The following CSGALNACT1 variants were observed in gnomAD, a reference collection of about 807,000 sequenced individuals.
CSGALNACT1 encodes the protein chondroitin sulfate N-acetylgalactosaminyltransferase 1.
A neutral mutation model predicts 51.0 loss-of-function variants in CSGALNACT1; 52 were observed. That is an observed-to-expected ratio of 1.02 (90% CI 0.82 to 1.29). CSGALNACT1 has a LOEUF of 1.29. Among genes scored for constraint, CSGALNACT1 ranks in the 50% most tolerant of loss-of-function variants. The probability of loss-of-function intolerance (pLI) is 0.00; values close to 1 mark genes in which losing one functional copy is unlikely to be tolerated. For missense variants in CSGALNACT1, 935 were observed against 679.2 expected (o/e 1.38, Z -4.19); for synonymous variants, 341 against 254.4 (o/e 1.34, Z -3.24).
At chr8:19,554,633 AT>A (rs1312345935) in intron 3 of CSGALNACT1, among the ~76,000 whole-genome samples, 1 of 111,532 alleles carries the variant, frequency 9.0e-6, no homozygotes, top group East Asian at 2.4e-4. Flanking sequence ...AGGCAGTTAT[AT>A]AGGCTGGATG....
At chr8:19,717,605 G>A (rs1754479797) in intron 1 of CSGALNACT1, among the ~76,000 whole-genome samples, 1 of 152,136 alleles carries the variant, frequency 6.6e-6, no homozygotes, top group Non-Finnish European at 1.5e-5. Context: ...ATGTGGTTTA[G>A]ACATTAAGAT....
At chr8:19,654,207 TTTC>T (rs1180498208) in intron 1 of CSGALNACT1, among the ~76,000 whole-genome samples, 1 of 152,230 alleles carries the variant, frequency 6.6e-6, no homozygotes, top group Non-Finnish European at 1.5e-5. Context: ...TTTCCAGCTG[TTTC>T]TCCAAATTCA....
At chr8:19,726,226 T>C (rs2063393036) in intron 1 of CSGALNACT1, among the ~76,000 whole-genome samples, 1 of 152,212 alleles carries the variant, frequency 6.6e-6, no homozygotes, top group African/African-American at 2.4e-5. Flanking sequence ...AAGTTAACAT[T>C]AAATTTTAAA....
chr8:19,405,984 T>C lies in CSGALNACT1; in HGVS notation c.1395A>G (p.Val465=), dbSNP rs779606427. ...GGAAGAGTCCTCGCACAGGCGTCCG[T>C]ACCACTATGAGGTTGCTGTGGAGAT... The change falls in exon 10 of 10, where the codon GTA becomes GTG. Residue 465 remains valine, a synonymous_variant. Transcript: ENST00000454498. 33 of 1,614,088 alleles carry C rather than the reference T, an allele frequency of 2.0e-5. No homozygotes were observed. Among genetic ancestry groups the C allele is most frequent in the South Asian group, 1.5e-4 (14 of 91,092 alleles).
chr8:19,497,985 T>C (rs1236027379), intron 4 of CSGALNACT1, among the ~76,000 whole-genome samples: 3 of 152,234 alleles, frequency 2.0e-5, no homozygotes, highest in Non-Finnish European at 4.4e-5. Context: ...ATGTTCATCC[T>C]ACATATGTTG....
At chr8:19,561,301 A>T (rs537637397) in intron 3 of CSGALNACT1, among the ~76,000 whole-genome samples, 1 of 152,180 alleles carries the variant, frequency 6.6e-6, no homozygotes, top group South Asian at 2.1e-4. Context: ...ATTTTTGTAC[A>T]TATTTTTGGT....
chr8:19,733,701 A>C (rs930619347), intron 1 of CSGALNACT1, among the ~76,000 whole-genome samples: 1 of 152,196 alleles, frequency 6.6e-6, no homozygotes, highest in Non-Finnish European at 1.5e-5. Flanking sequence ...CTTTGCCTGA[A>C]AGACGTCTAC....
chr8:19,544,226 C>G (rs2085954488), intron 3 of CSGALNACT1, among the ~76,000 whole-genome samples: 1 of 152,116 alleles, frequency 6.6e-6, no homozygotes, highest in South Asian at 2.1e-4. Flanking sequence ...CAAAATAAAA[C>G]TGAGCAGACA....
intron 1 of CSGALNACT1, among the ~76,000 whole-genome samples, chr8:19,631,863 G>A (rs117485433): frequency 6.6e-6 from 1 of 152,196 alleles, no homozygotes; most frequent in Non-Finnish European, 1.5e-5. Context: ...ACACTAAAAG[G>A]TGTGGGCCAG....
At chr8:19,625,003 TCATCCTG>T (rs2054271750) in intron 1 of CSGALNACT1, among the ~76,000 whole-genome samples, 1 of 152,198 alleles carries the variant, frequency 6.6e-6, no homozygotes, top group Non-Finnish European at 1.5e-5. Flanking sequence ...TGCTTCACTG[TCATCCTG>T]CTATCACCCA....
intron 3 of CSGALNACT1, among the ~76,000 whole-genome samples, chr8:19,586,286 G>C (rs1045685681): frequency 6.6e-6 from 1 of 151,938 alleles, no homozygotes; most frequent in African/African-American, 2.4e-5. Context: ...TTGAACCTGT[G>C]ATGGGGAGGC....
At chr8:19,718,061 T>C (rs2062913747) in intron 1 of CSGALNACT1, among the ~76,000 whole-genome samples, 3 of 151,966 alleles carry the variant, frequency 2.0e-5, no homozygotes, top group Admixed American at 1.3e-4. Flanking sequence ...GGGCCCAGAG[T>C]CCCTTTTTAT....
intron 1 of CSGALNACT1, among the ~76,000 whole-genome samples, chr8:19,746,865 C>T (rs912368136): frequency 6.6e-6 from 1 of 152,218 alleles, no homozygotes; most frequent in Non-Finnish European, 1.5e-5. Flanking sequence ...ACCTTCTTTC[C>T]TACACGATGG....
At chr8:19,455,384 G>T (rs1330021911) in intron 5 of CSGALNACT1, among the ~76,000 whole-genome samples, 1 of 152,190 alleles carries the variant, frequency 6.6e-6, no homozygotes, top group Non-Finnish European at 1.5e-5. Flanking sequence ...CCAGTCTGGG[G>T]ATGGAAAGGA....
chr8:19,425,789 TG>T (rs1313477479), intron 6 of CSGALNACT1, among the ~76,000 whole-genome samples: 2 of 152,170 alleles, frequency 1.3e-5, no homozygotes, highest in Non-Finnish European at 2.9e-5. Context: ...CACCAAGGTG[TG>T]GGCATGGCTG....
chr8:19,470,431 C>CACTGACATCAGCACGCGCATTCAGTG (rs1238299647), intron 4 of CSGALNACT1, among the ~76,000 whole-genome samples: 2 of 152,174 alleles, frequency 1.3e-5, no homozygotes, highest in African/African-American at 4.8e-5. Flanking sequence ...CATGAATTTG[C>CACTGACATCAGCACGCGCATTCAGTG]ACTGACATCA....
chr8:19,707,000 A>G (rs1431595082), intron 1 of CSGALNACT1, among the ~76,000 whole-genome samples: 1 of 152,112 alleles, frequency 6.6e-6, no homozygotes, highest in East Asian at 1.9e-4. Context: ...GGAAGCTGGT[A>G]ACACTAAGGA....
intron 1 of CSGALNACT1, among the ~76,000 whole-genome samples, chr8:19,652,981 C>G (rs1209693103): frequency 6.6e-6 from 1 of 152,144 alleles, no homozygotes; most frequent in African/African-American, 2.4e-5. Context: ...TCTGCTTTGC[C>G]CTCCTCTCTT....
chr8:19,757,873 ACT>A lies in CSGALNACT1; in HGVS notation c.-322_-321del, dbSNP rs1231774508. ...ACAGCGAAGGTCAGGAACCCCTGTA[ACT>A]CTCACACCGCACCACTGTGGGTAAG... On this transcript the variant is annotated 5_prime_UTR_variant, in exon 1 of 2. Coordinates refer to the CSGALNACT1 transcript ENST00000517494. This position sits in a 1 kb window ranked among gnomAD's most constrained non-coding sequence, Gnocchi z 4.0. The A allele has an allele frequency of 6.6e-6, 1 of 152,122 alleles. No individual in the cohort carries two copies. Among genetic ancestry groups the A allele is most frequent in the Non-Finnish European group, 1.5e-5 (1 of 68,154 alleles). The allele number at this position is 152,122 out of a possible 1,614,324, so 9.4% of individuals were successfully genotyped here.
Sources: allele counts gnomAD v4.1 joint callset (sites outside exome capture counted in the v4.1 genomes callset), GRCh38; gene constraint gnomAD v4.1.1; non-coding constraint Gnocchi (gnomAD v3.1); transcripts MANE v1.5; gene names NCBI Gene and HGNC (gene_info 2026-07-23, HGNC 2026-07-21).